The following DNAJC17 variants were observed in gnomAD, a reference collection of about 807,000 sequenced individuals.
DNAJC17 encodes the protein DnaJ heat shock protein family (Hsp40) member C17, also known as dnaJ homolog subfamily C member 17.
Under a neutral mutation model 48.1 loss-of-function variants are expected in DNAJC17, and 35 were observed. The ratio of observed to expected loss-of-function variants is 0.73; its 90% CI spans 0.56 to 0.96. The LOEUF is 0.96. Among genes scored for constraint, DNAJC17 ranks in the 50% least tolerant of loss-of-function variants. The pLI is 0.00. For synonymous variants in DNAJC17, 117 were observed against 142.7 expected (o/e 0.82, Z 1.28); for missense variants, 355 against 377.1 (o/e 0.94, Z 0.48).
intron 1 of DNAJC17, among the ~76,000 whole-genome samples, chr15:40,784,711 T>C (rs1889595073): frequency 6.6e-6 from 1 of 152,168 alleles, no homozygotes; most frequent in Admixed American, 6.5e-5. Flanking sequence ...CTTCCATTCT[T>C]GCTACCCTAA....
At chr15:40,773,207 C>G (rs1256552107) in intron 10 of DNAJC17, among the ~76,000 whole-genome samples, 1 of 152,080 alleles carries the variant, frequency 6.6e-6, no homozygotes, top group African/African-American at 2.4e-5. Context: ...TGATCCGCCC[C>G]CCTCGGCCTC....
intron 8 of DNAJC17, 45 bp from the exon 9 acceptor site, chr15:40,774,481 G>A (rs1483633208): frequency 6.2e-7 from 1 of 1,606,426 alleles, no homozygotes; most frequent in East Asian, 2.2e-5. Context: ...TGGCCTTCAG[G>A]ATGGCCCAGG....
At chr15:40,799,197 C>A (rs1313638910) in intron 1 of DNAJC17, among the ~76,000 whole-genome samples, 1 of 147,908 alleles carries the variant, frequency 6.8e-6, no homozygotes. Context: ...TGCACTCCAG[C>A]CTGAGCGACA....
At chr15:40,780,067 A>G (rs1420190576) in intron 1 of DNAJC17, 70 bp from the exon 2 acceptor site, 9 of 1,449,618 alleles carry the variant, frequency 6.2e-6, no homozygotes, top group South Asian at 1.2e-5. Context: ...ACCTTGCTCA[A>G]TGGGTAAGGG....
intron 1 of DNAJC17, among the ~76,000 whole-genome samples, chr15:40,798,246 A>G (rs1889988377): frequency 6.6e-6 from 1 of 152,248 alleles, no homozygotes. Flanking sequence ...CTGACACAAA[A>G]GGACAAATAT....
intron 1 of DNAJC17, among the ~76,000 whole-genome samples, chr15:40,794,687 A>G (rs902062400): frequency 6.6e-6 from 1 of 152,084 alleles, no homozygotes; most frequent in Non-Finnish European, 1.5e-5. Flanking sequence ...AAAAACAAAA[A>G]TAAAAACGGT....
At chr15:40,789,985 C>T (rs879112517) in intron 1 of DNAJC17, among the ~76,000 whole-genome samples, 1 of 145,150 alleles carries the variant, frequency 6.9e-6, no homozygotes, top group African/African-American at 2.6e-5. Flanking sequence ...ACAATACTTA[C>T]GAACAGCAAA....
At position 40,779,557 on chromosome 15, in the gene DNAJC17, A is replaced by G. The variant is rs1171733947; in HGVS notation, c.195T>C (p.Asp65=). 1.2e-6 allele frequency: 2 copies of G among 1,614,098 alleles called. No individual in the cohort carries two copies. Among genetic ancestry groups the G allele is most frequent in the Non-Finnish European group, 1.7e-6 (2 of 1,180,040 alleles). ...AGGCTGTGCTTACCCTGGCTGCAGC[A>G]TCGGTCAGCACCTCCAAGGCCTGAG... is the stretch of plus-strand genomic sequence containing the variant. ...QLSQALEVLT[D]AAARAAYDKV... Residue 65 remains aspartate, a synonymous_variant, in exon 3 of 11, where the codon GAT becomes GAC. Coordinates refer to ENST00000220496, the MANE Select transcript of DNAJC17 (RefSeq NM_018163.3).
At chr15:40,797,356 C>T (rs1217076558) in intron 1 of DNAJC17, among the ~76,000 whole-genome samples, 1 of 151,812 alleles carries the variant, frequency 6.6e-6, no homozygotes, top group Non-Finnish European at 1.5e-5. Context: ...GGCAATAGAG[C>T]GAGACCCTGT....
intron 1 of DNAJC17, among the ~76,000 whole-genome samples, chr15:40,786,180 A>G (rs1889636458): frequency 6.6e-6 from 1 of 152,244 alleles, no homozygotes; most frequent in Admixed American, 6.5e-5. Context: ...CCTTATGAAC[A>G]GCTCAAAAGG....
intron 7 of DNAJC17, chr15:40,775,313 A>C: frequency 1.4e-6 from 1 of 701,994 alleles, no homozygotes; most frequent in Non-Finnish European, 2.4e-6. Context: ...CCCGCCCAGA[A>C]GACCCTCTCC....
intron 1 of DNAJC17, among the ~76,000 whole-genome samples, chr15:40,800,649 A>T: frequency 6.7e-6 from 1 of 149,442 alleles, no homozygotes; most frequent in Middle Eastern, 3.5e-3. Context: ...TTCTACAATC[A>T]TTTAAACATG....
intron 5 of DNAJC17, 88 bp downstream of exon 5, chr15:40,776,454 C>T (rs1889324375): frequency 1.3e-6 from 2 of 1,539,926 alleles, no homozygotes; most frequent in African/African-American, 2.7e-5. Flanking sequence ...AGAGCATGCC[C>T]TCTCTAGCCA....
rs143811166 is a variant in DNAJC17 at position 40,786,312 on chromosome 15, G to T, written c.79-6315C>A. On this transcript the variant is annotated intron_variant, in intron 1 of 10. Transcript: ENST00000220496. ...CATCCTCTATAATCTTACTCCTTAT[G>T]ATATAGGATAAACAGGACTGCTGAA... 1.9e-3 allele frequency among the ~76,000 whole-genome samples: 286 copies of T among 152,310 alleles called. 1 individual carries two copies. The highest frequency in any genetic ancestry group is 6.6e-3 in the African/African-American group (273 of 41,574).
chr15:40,775,299 G>T, intron 7 of DNAJC17, 191 bp from the exon 8 acceptor site: 1 of 714,972 alleles, frequency 1.4e-6, no homozygotes, highest in South Asian at 1.7e-5. Context: ...CCCCAGGGAC[G>T]CTTCCCGCCC....
chr15:40,768,002 C>A lies in DNAJC17; in HGVS notation c.853G>T (p.Ala285Ser). 5 of 1,604,560 alleles carry A rather than the reference C, an allele frequency of 3.1e-6. No homozygotes were observed. Among genetic ancestry groups the A allele is most frequent in the Non-Finnish European group, 4.2e-6 (5 of 1,177,226 alleles). Residue 285 changes from alanine to serine, a missense_variant, in exon 11 of 11, where the codon GCC becomes TCC. This residue lies in a region of DNAJC17 where 88 missense variants were observed against 67.7 expected (regional missense o/e 1.30). Transcript: ENST00000220496. Reference sequence around the variant, plus strand: ...CGTGCGATCAGCTGTTGCCGCTCGGCCGCCTGGCGCATGCGCATCATGACG... The same window carrying A: ...CGTGCGATCAGCTGTTGCCGCTCGGACGCCTGGCGCATGCGCATCATGACG... ...SLVMMRMRQAAERQQLIARMQ... is the reference protein window; with the variant it reads ...SLVMMRMRQASERQQLIARMQ...
intron 1 of DNAJC17, among the ~76,000 whole-genome samples, chr15:40,788,901 G>A (rs1193167813): frequency 6.6e-6 from 1 of 152,116 alleles, no homozygotes; most frequent in Non-Finnish European, 1.5e-5. Context: ...GAAGTTCCCT[G>A]TGCCTGAAAG....
intron 1 of DNAJC17, among the ~76,000 whole-genome samples, chr15:40,801,756 A>G (rs925918784): frequency 1.3e-5 from 2 of 151,820 alleles, no homozygotes; most frequent in East Asian, 1.9e-4. Flanking sequence ...AAAAAAAAAA[A>G]AGAAAAGAAA....
Position 40,767,325 on chromosome 15 carries a change from G to A in DNAJC17, c.*615C>T. On this transcript the variant is annotated 3_prime_UTR_variant, in exon 11 of 11. Transcript: ENST00000220496. ...GCATGACGGGGGTGGGCCAGACGCT[G>A]GTGTGGTGTCTGCACAAGGAGTGAC... is the stretch of plus-strand genomic sequence containing the variant. The A allele has an allele frequency of 1.2e-6, 2 of 1,603,178 alleles. No individual in the cohort carries two copies. The highest frequency in any genetic ancestry group is 1.7e-6 in the Non-Finnish European group (2 of 1,175,320).
Sources: gnomAD v4.1 joint callset for allele counts (sites outside exome capture counted in the v4.1 genomes callset) on GRCh38, gnomAD v4.1.1 for gene constraint, gnomAD v4.1.1 regional missense constraint, MANE v1.5 for transcripts, NCBI Gene and HGNC (gene_info 2026-07-23, HGNC 2026-07-21) for gene names.